RBFOX1: variants seen among roughly 807,000 people sequenced by gnomAD.
The protein encoded by RBFOX1 is RNA binding fox-1 homolog 1, also known as RNA binding protein fox-1 homolog 1.
Under a neutral mutation model 57.7 loss-of-function variants are expected in RBFOX1, and 8 were observed. The observed-to-expected ratio is 0.14, with a 90% confidence interval of 0.08 to 0.25. RBFOX1 has a LOEUF of 0.25. Among genes scored for constraint, RBFOX1 ranks in the 10% least tolerant of loss-of-function variants. RBFOX1 has a pLI of 1.00. For synonymous variants in RBFOX1, 326 were observed against 222.4 expected, an observed-to-expected ratio of 1.47 and a Z score of -4.15; for missense variants, 611 against 548.5, an observed-to-expected ratio of 1.11 and a Z score of -1.14.
intron 4 of RBFOX1, among the ~76,000 whole-genome samples, chr16:5,875,048 G>A (rs1229902090): frequency 6.6e-6 from 1 of 152,190 alleles, no homozygotes; most frequent in Non-Finnish European, 1.5e-5. Context: ...TGAGATGCTG[G>A]TGAGAGGCTG....
Position 6,499,205 on chromosome 16 carries a change from T to G in RBFOX1, c.-63-155398T>G, listed in dbSNP as rs565421147. ...TATTGACTAGGAAATAAGTTGGTTG[T>G]TAGGACATGATTTTCCATTCTTCAA... On this transcript the variant is annotated intron_variant, in intron 2 of 15. Transcript: ENST00000550418. Among the ~76,000 whole-genome samples, 6 of 152,250 alleles carry G rather than the reference T, an allele frequency of 3.9e-5. No homozygotes were observed. The South Asian group carries it at 1.2e-3, about 32-fold the overall frequency.
At chr16:7,003,005 T>C (rs1004149676) in intron 3 of RBFOX1, among the ~76,000 whole-genome samples, 10 of 150,956 alleles carry the variant, frequency 6.6e-5, no homozygotes, top group African/African-American at 2.2e-4. Context: ...TATGAGTGGA[T>C]CTTGGTGGTC....
intron 1 of RBFOX1, among the ~76,000 whole-genome samples, chr16:6,285,275 A>T (rs1384937730): frequency 6.6e-6 from 1 of 152,144 alleles, no homozygotes; most frequent in East Asian, 1.9e-4. Flanking sequence ...CTCCATGACA[A>T]AGGCATTTGA....
rs545472719 is a variant in RBFOX1, at chr16:7,488,370, C to A, written c.28-29777C>A. Among the ~76,000 whole-genome samples the A allele has an allele frequency of 2.0e-5, 3 of 152,252 alleles. No individual in the cohort carries two copies. In the South Asian group the frequency reaches 6.2e-4, roughly 32 times the overall value. Reference sequence around the variant, plus strand: ...TTGGATAGATACACATTTAGATATACAACTATGTACAGATATATATGGACC... The same window carrying A: ...TTGGATAGATACACATTTAGATATAAAACTATGTACAGATATATATGGACC... On this transcript the variant is annotated intron_variant, in intron 4 of 15. Transcript: ENST00000550418.
chr16:7,130,327 C>T (rs535913628), intron 4 of RBFOX1, among the ~76,000 whole-genome samples: 22 of 152,220 alleles, frequency 1.4e-4, no homozygotes, highest in East Asian at 3.9e-4. Context: ...GAAGCCACCA[C>T]GCCAGGCCTG....
intron 2 of RBFOX1, among the ~76,000 whole-genome samples, chr16:6,580,235 G>A (rs2097516851): frequency 6.6e-6 from 1 of 152,180 alleles, no homozygotes; most frequent in Admixed American, 6.5e-5. Context: ...GGGATTACAG[G>A]CATGAGCCAC....
rs144671888 is a variant in RBFOX1, at chr16:5,860,354, C to T, written c.319-6949C>T. ...CCTCCCAAAGTGCTGGGATTACAGA[C>T]GTGAGCCACCGCGCCTGGCCTACTT... On this transcript the variant is annotated intron_variant, in intron 3 of 19. Coordinates refer to the RBFOX1 transcript ENST00000641259. Among the ~76,000 whole-genome samples, 780 of 152,268 alleles carry T rather than the reference C, an allele frequency of 5.1e-3. 4 individuals carry two copies. Among genetic ancestry groups the T allele is most frequent in the African/African-American group, 0.018 (730 of 41,548 alleles).
intron 1 of RBFOX1, among the ~76,000 whole-genome samples, chr16:5,370,529 G>C (rs1252117374): frequency 7.3e-6 from 1 of 137,930 alleles, no homozygotes; most frequent in African/African-American, 2.7e-5. Context: ...GTCTCACTTT[G>C]TCACCCAGGA....
intron 3 of RBFOX1, among the ~76,000 whole-genome samples, chr16:5,657,670 C>CTTTCT (rs1567356994): frequency 1.1e-5 from 1 of 91,742 alleles, no homozygotes; most frequent in African/African-American, 4.6e-5. Flanking sequence ...TTCTTTCTTT[C>CTTTCT]TTTTCTTTTC....
chr16:7,248,302 C>A (rs1446896859), intron 4 of RBFOX1, among the ~76,000 whole-genome samples: 1 of 152,160 alleles, frequency 6.6e-6, no homozygotes, highest in Admixed American at 6.5e-5. Flanking sequence ...ACCTACTGCT[C>A]ACTCCCTTCC....
At chr16:7,365,335 C>G (rs190537810) in intron 4 of RBFOX1, among the ~76,000 whole-genome samples, 130 of 152,280 alleles carry the variant, frequency 8.5e-4, no homozygotes, top group African/African-American at 3.1e-3. Flanking sequence ...AGACTGAGAA[C>G]CTAAATCAGG....
At chr16:6,423,203 A>G (rs1331007002) in intron 2 of RBFOX1, among the ~76,000 whole-genome samples, 2 of 152,198 alleles carry the variant, frequency 1.3e-5, no homozygotes, top group East Asian at 1.9e-4. Flanking sequence ...ATAACAATAC[A>G]GTGTTTGTTG....
At chr16:7,527,653 A>G (rs1025701840) in intron 5 of RBFOX1, among the ~76,000 whole-genome samples, 4 of 152,120 alleles carry the variant, frequency 2.6e-5, no homozygotes, top group Non-Finnish European at 5.9e-5. Flanking sequence ...CACGTTACAT[A>G]ACTTCTCTGA....
intron 3 of RBFOX1, among the ~76,000 whole-genome samples, chr16:7,042,518 C>T (rs765975724): frequency 6.6e-6 from 1 of 152,312 alleles, no homozygotes. Flanking sequence ...CAGCTGCTTA[C>T]AAAGTTCTGA....
chr16:6,761,228 T>C (rs1382121601), intron 3 of RBFOX1, among the ~76,000 whole-genome samples: 1 of 152,052 alleles, frequency 6.6e-6, no homozygotes, highest in Non-Finnish European at 1.5e-5. Flanking sequence ...GAAGCCCAGG[T>C]AATTGGGGGA....
At chr16:5,900,638 G>C (rs1436678702) in intron 4 of RBFOX1, among the ~76,000 whole-genome samples, 4 of 152,142 alleles carry the variant, frequency 2.6e-5, no homozygotes, top group Non-Finnish European at 5.9e-5. Flanking sequence ...CCAGCAATCT[G>C]TTTCTGTCCT....
chr16:5,301,065 A>G (rs886577430), intron 1 of RBFOX1, among the ~76,000 whole-genome samples: 1 of 152,192 alleles, frequency 6.6e-6, no homozygotes, highest in African/African-American at 2.4e-5. Context: ...TCATGTGTGA[A>G]CTAAATCTAG....
chr16:6,904,285 C>G (rs765748461), intron 3 of RBFOX1, among the ~76,000 whole-genome samples: 2 of 152,038 alleles, frequency 1.3e-5, no homozygotes, highest in East Asian at 3.9e-4. Flanking sequence ...CTGTGAGGCA[C>G]GAGTGGTAGG....
chr16:6,762,260 T>C (rs536800380), intron 3 of RBFOX1, among the ~76,000 whole-genome samples: 1 of 152,326 alleles, frequency 6.6e-6, no homozygotes, highest in East Asian at 1.9e-4. Context: ...ATAGGTTATA[T>C]ATGTAGTGTC....
Sources: gnomAD v4.1 joint callset for allele counts (sites outside exome capture counted in the v4.1 genomes callset) on GRCh38, gnomAD v4.1.1 for gene constraint, MANE v1.5 for transcripts, NCBI Gene and HGNC (gene_info 2026-07-23, HGNC 2026-07-21) for gene names.